The following DPYSL2 variants were observed in gnomAD, a reference collection of about 807,000 sequenced individuals.
The protein encoded by DPYSL2 is dihydropyrimidinase-related protein 2.
In DPYSL2, 13 loss-of-function variants were observed where a neutral mutation model predicts 69.9. That is an observed-to-expected ratio of 0.19 (90% CI 0.12 to 0.30). The LOEUF is 0.30. Among genes scored for constraint, DPYSL2 ranks in the 10% least tolerant of loss-of-function variants. The probability of loss-of-function intolerance (pLI) is 1.00; values close to 1 mark genes in which losing one functional copy is unlikely to be tolerated. For synonymous variants in DPYSL2, 326 were observed against 359.1 expected (o/e 0.91, Z 1.04); for missense variants, 587 against 918.9 (o/e 0.64, Z 4.67).
At chr8:26,546,263 A>C (rs1800765400) in intron 1 of DPYSL2, among the ~76,000 whole-genome samples, 1 of 152,164 alleles carries the variant, frequency 6.6e-6, no homozygotes, top group Non-Finnish European at 1.5e-5. Flanking sequence ...TGTAAATTGT[A>C]TTGTGTTTTT....
At chr8:26,575,609 G>C (rs571944748) in intron 1 of DPYSL2, among the ~76,000 whole-genome samples, 42 of 152,196 alleles carry the variant, frequency 2.8e-4, no homozygotes, top group African/African-American at 1.0e-3. Context: ...AGTTATTATG[G>C]ACTAAGAACC....
At position 26,626,598 on chromosome 8, in the gene DPYSL2, T is replaced by C. The variant is rs567101122; in HGVS notation, c.794-19T>C. 11 of 1,613,356 alleles carry C rather than the reference T, an allele frequency of 6.8e-6. No individual in the cohort carries two copies. Among genetic ancestry groups the C allele is most frequent in the Non-Finnish European group, 9.3e-6 (11 of 1,179,534 alleles). Reference sequence around the variant, plus strand: ...GGTTTATCTATTAAAAGTCCACTTCTCTATTTTGTCCGCACTAGGGGTAAA... The same window carrying C: ...GGTTTATCTATTAAAAGTCCACTTCCCTATTTTGTCCGCACTAGGGGTAAA... On this transcript the variant is annotated intron_variant, in intron 4 of 13. Coordinates refer to ENST00000521913, the MANE Select transcript of DPYSL2 (RefSeq NM_001197293.3). This position sits in a 1 kb window ranked among gnomAD's most constrained non-coding sequence, Gnocchi z 4.3.
chr8:26,570,955 G>A (rs955473408), intron 1 of DPYSL2, among the ~76,000 whole-genome samples: 1 of 152,304 alleles, frequency 6.6e-6, no homozygotes, highest in Admixed American at 6.5e-5. Context: ...CATGGTAGGT[G>A]CTCAATACAT....
At chr8:26,603,324 C>T (rs1802035549) in intron 3 of DPYSL2, among the ~76,000 whole-genome samples, 1 of 152,158 alleles carries the variant, frequency 6.6e-6, no homozygotes, top group Admixed American at 6.5e-5. Flanking sequence ...AGGTGTCCAC[C>T]ACCACACCCG....
rs771098568 is a variant in DPYSL2 at position 26,586,974 on chromosome 8, A to G, written c.628+2991A>G. Among the ~76,000 whole-genome samples the G allele has an allele frequency of 2.6e-5, 4 of 152,198 alleles. No individual in the cohort carries two copies. Among genetic ancestry groups the G allele is most frequent in the Non-Finnish European group, 5.9e-5 (4 of 68,046 alleles). On this transcript the variant is annotated intron_variant, in intron 3 of 13. Coordinates refer to ENST00000521913, the MANE Select transcript of DPYSL2 (RefSeq NM_001197293.3). This position sits in a 1 kb window ranked among gnomAD's most constrained non-coding sequence, Gnocchi z 4.7. ...TTATAGCCTGAGAAAAGTACTAACT[A>G]CTTTTGCAAATAACCACCTATGTTT...
Position 26,647,664 on chromosome 8 carries a change from C to T in DPYSL2, c.1460C>T (p.Ala487Val), listed in dbSNP as rs1326188478. The T allele has an allele frequency of 6.2e-7, 1 of 1,613,782 alleles. No homozygotes were observed. The highest frequency in any genetic ancestry group is 2.2e-5 in the East Asian group (1 of 44,872). The change falls in exon 11 of 14, where the codon GCT (alanine) becomes GTT (valine). Residue 487 changes from alanine to valine, a missense_variant. By Grantham distance (64) the Ala-to-Val change is moderately conservative. This residue lies in a region of DPYSL2 where 452 missense variants were observed against 754.3 expected (regional missense o/e 0.60). Transcript: ENST00000521913. This position sits in a 1 kb window ranked among gnomAD's most constrained non-coding sequence, Gnocchi z 5.1. Reference protein sequence around the residue: ...TGKMDENQFVAVTSTNAAKVF... With the variant: ...TGKMDENQFVVVTSTNAAKVF... ...AAGATGGATGAGAACCAGTTTGTGGCTGTGACCAGCACCAATGCAGCCAAA... is the reference window on the plus strand; with the variant it reads ...AAGATGGATGAGAACCAGTTTGTGGTTGTGACCAGCACCAATGCAGCCAAA...
At position 26,620,358 on chromosome 8, in the gene DPYSL2, G is replaced by A. The variant is rs1335789048; in HGVS notation, c.629-3785G>A. ...TGCAACCTCCGCCTCCTGGGTTCAA[G>A]TGATTCTCCTGCCTCAGCCTCCTGA... On this transcript the variant is annotated intron_variant, in intron 3 of 13. Transcript: ENST00000521913. This position sits in a 1 kb window ranked among gnomAD's most constrained non-coding sequence, Gnocchi z 4.5. Among the ~76,000 whole-genome samples, 1 of 152,126 alleles carries A rather than the reference G, an allele frequency of 6.6e-6. No homozygotes were observed. Among genetic ancestry groups the A allele is most frequent in the Admixed American group, 6.5e-5 (1 of 15,280 alleles).
chr8:26,535,263 C>G (rs939925455), intron 1 of DPYSL2, among the ~76,000 whole-genome samples: 1 of 152,034 alleles, frequency 6.6e-6, no homozygotes, highest in Non-Finnish European at 1.5e-5. Flanking sequence ...GTGTGAGGGC[C>G]CCACCCTCAT....
In DPYSL2 at chr8:26,605,934, T is replaced by G. The variant is rs536527665; in HGVS notation, c.629-18209T>G. ...GTTGAGTTTTTGTTTTGTTTTCCAT[T>G]TGACCAAATGATTCTTAAGTACAGG... On this transcript the variant is annotated intron_variant, in intron 3 of 13. Transcript: ENST00000521913. This position sits in a 1 kb window ranked among gnomAD's most constrained non-coding sequence, Gnocchi z 4.1. Among the ~76,000 whole-genome samples, 124 of 152,298 alleles carry G rather than the reference T, an allele frequency of 8.1e-4. No individual in the cohort carries two copies. Among genetic ancestry groups the G allele is most frequent in the African/African-American group, 2.9e-3 (120 of 41,580 alleles).
At chr8:26,603,060 T>C (rs1802027758) in intron 3 of DPYSL2, among the ~76,000 whole-genome samples, 1 of 152,222 alleles carries the variant, frequency 6.6e-6, no homozygotes, top group East Asian at 1.9e-4. Flanking sequence ...GAATTTAGAC[T>C]CCGGATTTGA....
Position 26,652,367 on chromosome 8 carries a change from C to G in DPYSL2, c.1707C>G (p.Gly569=). 6.2e-7 allele frequency: 1 copy of G among 1,614,224 alleles called. No homozygotes were observed. The highest frequency in any genetic ancestry group is 8.5e-7 in the Non-Finnish European group (1 of 1,180,040). The change falls in exon 12 of 14, where the codon GGC becomes GGG. Residue 569 remains glycine (G), a synonymous_variant. Transcript: ENST00000521913. The surrounding 1 kb of genome is among the most constrained non-coding windows in gnomAD (Gnocchi z 6.3). Reference sequence around the variant, plus strand: ...ACGGCACCCTGCATGTCACCGAAGGCTCTGGACGCTACATTCCCCGGAAGC... The same window carrying G: ...ACGGCACCCTGCATGTCACCGAAGGGTCTGGACGCTACATTCCCCGGAAGC... ...LEDGTLHVTE[G]SGRYIPRKPF...
At chr8:26,524,840 A>AGG (rs1808451448) in intron 1 of DPYSL2, among the ~76,000 whole-genome samples, 1 of 139,186 alleles carries the variant, frequency 7.2e-6, no homozygotes, top group Non-Finnish European at 1.5e-5. Flanking sequence ...AAAAAAAGAG[A>AGG]GAGAATTACT....
chr8:26,595,894 C>T (rs1801850060), intron 3 of DPYSL2, among the ~76,000 whole-genome samples: 1 of 152,114 alleles, frequency 6.6e-6, no homozygotes, highest in African/African-American at 2.4e-5. Flanking sequence ...CCAGTTCTGG[C>T]AGAGGCGAGC....
rs35314544 is a variant in DPYSL2, at chr8:26,656,174, C to CT, written c.*486dup. The CT allele has an allele frequency of 2.6e-3, 339 of 128,388 alleles. No individual in the cohort carries two copies. The highest frequency in any genetic ancestry group is 4.2e-3 in the Middle Eastern group (1 of 236). The allele number at this position is 128,388 out of a possible 1,614,324, so 8.0% of individuals were successfully genotyped here. A position where few individuals can be genotyped will look rare whatever the true frequency, so the allele number is the denominator to read the frequency against. On this transcript the variant is annotated 3_prime_UTR_variant, in exon 14 of 14. Transcript: ENST00000521913. ...GGGAGGGGCCGGGGTCAGGGAGAGT[C>CT]TTTTTTTTTTTTTTTTTTAAATACT...
intron 7 of DPYSL2, 69 bp from the exon 8 acceptor site, chr8:26,634,711 T>C (rs1316730476): frequency 6.2e-7 from 1 of 1,609,982 alleles, no homozygotes; most frequent in Non-Finnish European, 8.5e-7. Flanking sequence ...CTCTCTGGGG[T>C]GGAGGATAAA....
At chr8:26,604,671 G>C (rs57462516) in intron 3 of DPYSL2, among the ~76,000 whole-genome samples, 3,988 of 140,810 alleles carry the variant, frequency 0.028, 167 homozygotes, top group African/African-American at 0.098. Context: ...TTTTTTTTTT[G>C]AGACAAGAGT....
intron 1 of DPYSL2, among the ~76,000 whole-genome samples, chr8:26,529,838 C>T (rs934178572): frequency 1.3e-5 from 2 of 150,082 alleles, no homozygotes; most frequent in African/African-American, 2.5e-5. Context: ...GGGCCGGGCA[C>T]GGTGGCTCAC....
In DPYSL2 at chr8:26,533,059, G is replaced by T. The variant is rs1236673181; in HGVS notation, c.354+18380G>T. ...TACACTTGTTATTGTCTGTCTTTTT[G>T]ATTCCAGCCATCCTACTGGGTATGA... is the stretch of plus-strand genomic sequence containing the variant. On this transcript the variant is annotated intron_variant, in intron 1 of 13. Coordinates refer to ENST00000521913, the MANE Select transcript of DPYSL2 (RefSeq NM_001197293.3). This position sits in a 1 kb window ranked among gnomAD's most constrained non-coding sequence, Gnocchi z 4.8. 6.6e-6 allele frequency among the ~76,000 whole-genome samples: 1 copy of T among 152,106 alleles called. No homozygotes were observed. Among genetic ancestry groups the T allele is most frequent in the African/African-American group, 2.4e-5 (1 of 41,432 alleles).
chr8:26,601,835 A>G (rs1318008044), intron 3 of DPYSL2, among the ~76,000 whole-genome samples: 1 of 152,216 alleles, frequency 6.6e-6, no homozygotes, highest in Non-Finnish European at 1.5e-5. Context: ...TGACATTTAT[A>G]TATATTTTAT....
Sources: allele counts gnomAD v4.1 joint callset (sites outside exome capture counted in the v4.1 genomes callset), GRCh38; gene constraint gnomAD v4.1.1; regional missense constraint gnomAD v4.1.1; non-coding constraint Gnocchi (gnomAD v3.1); transcripts MANE v1.5; gene names NCBI Gene and HGNC (gene_info 2026-07-23, HGNC 2026-07-21).